Variants in CTNNBL1 observed in about 807,000 individuals in gnomAD.
CTNNBL1 encodes the protein beta-catenin-like protein 1.
A neutral mutation model predicts 72.7 loss-of-function variants in CTNNBL1; 31 were observed. That is an observed-to-expected ratio of 0.43 (90% CI 0.32 to 0.58). The LOEUF (loss-of-function observed/expected upper bound fraction) is 0.58. CTNNBL1 is among the 20% of genes least tolerant of loss of function. The pLI is 0.08. For missense variants in CTNNBL1, 534 were observed against 725.1 expected, an observed-to-expected ratio of 0.74 and a Z score of 3.03; for synonymous variants, 240 against 267.3, an observed-to-expected ratio of 0.90 and a Z score of 1.00.
At chr20:37,710,275 T>C (rs959500586) in intron 1 of CTNNBL1, among the ~76,000 whole-genome samples, 1 of 152,178 alleles carries the variant, frequency 6.6e-6, no homozygotes, top group Non-Finnish European at 1.5e-5. Context: ...TGTGCCTACT[T>C]TGTGTAGTTT....
chr20:37,756,815 T>A (rs2073369684), intron 4 of CTNNBL1, among the ~76,000 whole-genome samples: 1 of 151,604 alleles, frequency 6.6e-6, no homozygotes. Flanking sequence ...TTTTTTTTTT[T>A]TCTAAATGTT....
At chr20:37,749,839 G>C (rs2073302519) in intron 4 of CTNNBL1, 1 of 151,890 alleles carries the variant, frequency 6.6e-6, no homozygotes, top group African/African-American at 2.4e-5. Context: ...TCTTATCTGT[G>C]ATCTATAATA....
intron 1 of CTNNBL1, among the ~76,000 whole-genome samples, chr20:37,722,576 A>G (rs982482715): frequency 1.3e-5 from 2 of 152,190 alleles, no homozygotes; most frequent in Admixed American, 6.5e-5. Flanking sequence ...GAGAAATTGA[A>G]TTCCGTGCTT....
chr20:37,694,261 A>G, intron 1 of CTNNBL1, 109 bp downstream of exon 1: 1 of 979,648 alleles, frequency 1.0e-6, no homozygotes, highest in Non-Finnish European at 1.4e-6. Context: ...GGGCCCTCTA[A>G]CTTCTCATGC....
chr20:37,706,204 T>C (rs2072883250), intron 1 of CTNNBL1, among the ~76,000 whole-genome samples: 1 of 152,198 alleles, frequency 6.6e-6, no homozygotes, highest in Non-Finnish European at 1.5e-5. Context: ...AGGGTGGTGT[T>C]TGCTGAAGGT....
At chr20:37,848,053 T>G (rs562597734) in intron 13 of CTNNBL1, among the ~76,000 whole-genome samples, 1 of 151,992 alleles carries the variant, frequency 6.6e-6, no homozygotes, top group Non-Finnish European at 1.5e-5. Context: ...GCGGCTGCCA[T>G]CGATTCTTCT....
chr20:37,796,867 T>C (rs2073779286), intron 10 of CTNNBL1, among the ~76,000 whole-genome samples: 1 of 152,166 alleles, frequency 6.6e-6, no homozygotes, highest in Non-Finnish European at 1.5e-5. Flanking sequence ...ATGCAATAAA[T>C]CTTAAAACTT....
At chr20:37,856,327 T>C (rs1467092643) in intron 13 of CTNNBL1, among the ~76,000 whole-genome samples, 1 of 151,946 alleles carries the variant, frequency 6.6e-6, no homozygotes, top group Non-Finnish European at 1.5e-5. Flanking sequence ...CAGATCTGAA[T>C]GGCTAGTTCA....
chr20:37,761,527 C>G (rs1037052409), intron 5 of CTNNBL1, among the ~76,000 whole-genome samples: 5 of 152,216 alleles, frequency 3.3e-5, no homozygotes, highest in Non-Finnish European at 5.9e-5. Context: ...TCACCTTCAT[C>G]TGTATTTGTT....
chr20:37,803,638 A>G (rs2073840752), intron 11 of CTNNBL1, among the ~76,000 whole-genome samples: 1 of 152,208 alleles, frequency 6.6e-6, no homozygotes, highest in South Asian at 2.1e-4. Flanking sequence ...AAATAGCCAC[A>G]GTGCAATCTG....
chr20:37,708,926 C>G (rs1248665769), intron 1 of CTNNBL1, among the ~76,000 whole-genome samples: 1 of 152,096 alleles, frequency 6.6e-6, no homozygotes, highest in Non-Finnish European at 1.5e-5. Flanking sequence ...ATTATGAGGT[C>G]AAGAGATCGA....
At chr20:37,757,361 A>C (rs1232882001) in intron 4 of CTNNBL1, among the ~76,000 whole-genome samples, 198 bp from the exon 5 acceptor site, 1 of 152,252 alleles carries the variant, frequency 6.6e-6, no homozygotes, top group Non-Finnish European at 1.5e-5. Context: ...AGCATAAGGC[A>C]AGAGACTGAG....
rs543808507 is a variant in CTNNBL1, at chr20:37,748,254, G to A, written c.466+1647G>A. Reference sequence around the variant, plus strand: ...AATTCTCATAGAAATAAATCAGTGAGTAATTTTAATGCAGGCTTCTTGAAG... The same window carrying A: ...AATTCTCATAGAAATAAATCAGTGAATAATTTTAATGCAGGCTTCTTGAAG... On this transcript the variant is annotated intron_variant, in intron 4 of 15. Transcript: ENST00000361383. Among the ~76,000 whole-genome samples, 4 of 152,310 alleles carry A rather than the reference G, an allele frequency of 2.6e-5. No individual in the cohort carries two copies. In the South Asian group the frequency reaches 8.3e-4, roughly 32 times the overall value.
intron 1 of CTNNBL1, among the ~76,000 whole-genome samples, chr20:37,722,924 T>TAATG (rs2073053072): frequency 6.6e-6 from 1 of 152,240 alleles, no homozygotes; most frequent in African/African-American, 2.4e-5. Context: ...AATACTTCCT[T>TAATG]AATGAATGAA....
rs1022138590 is a variant in CTNNBL1, at chr20:37,779,230, T to C, written c.926T>C (p.Met309Thr). 5.6e-6 allele frequency: 9 copies of C among 1,613,608 alleles called. No homozygotes were observed. The African/African-American group carries it at 1.2e-4, about 22-fold the overall frequency. Residue 309 changes from methionine to threonine, a missense_variant, in exon 10 of 16, where the codon ATG (methionine) becomes ACG (threonine). By Grantham distance (81) the Met-to-Thr change is moderately conservative. Transcript: ENST00000361383. Reference sequence around the variant, plus strand: ...CCCAGCACGGCTGAGGAGCAGGAGATGATGGAGAATCTGTTTGATTCCCTC... The same window carrying C: ...CCCAGCACGGCTGAGGAGCAGGAGACGATGGAGAATCTGTTTGATTCCCTC... Reference protein sequence around the residue: ...HNPSTAEEQEMMENLFDSLCS... With the variant: ...HNPSTAEEQETMENLFDSLCS...
chr20:37,803,191 G>C, intron 11 of CTNNBL1, 143 bp downstream of exon 11: 1 of 724,324 alleles, frequency 1.4e-6, no homozygotes, highest in Admixed American at 2.9e-5. Context: ...TATTTTTCAT[G>C]AATGAAAAAG....
At chr20:37,861,182 A>G (rs2072488526) in intron 15 of CTNNBL1, among the ~76,000 whole-genome samples, 1 of 152,244 alleles carries the variant, frequency 6.6e-6, no homozygotes, top group South Asian at 2.1e-4. Context: ...TACAGCATCC[A>G]GTCTGTACCT....
intron 1 of CTNNBL1, among the ~76,000 whole-genome samples, chr20:37,729,860 T>C (rs980959799): frequency 6.6e-6 from 1 of 152,208 alleles, no homozygotes; most frequent in Non-Finnish European, 1.5e-5. Flanking sequence ...GCATGTTGCT[T>C]TCCTTTTTAT....
chr20:37,837,660 A>G (rs2072266737), intron 11 of CTNNBL1, among the ~76,000 whole-genome samples: 1 of 49,686 alleles, frequency 2.0e-5, no homozygotes. Context: ...TTATATATAA[A>G]AGTGCAAAAG....
Sources: allele counts gnomAD v4.1 joint callset (sites outside exome capture counted in the v4.1 genomes callset), GRCh38; gene constraint gnomAD v4.1.1; transcripts MANE v1.5; gene names NCBI Gene and HGNC (gene_info 2026-07-23, HGNC 2026-07-21).